SIPA1L2: variants seen among roughly 807,000 people sequenced by gnomAD.
SIPA1L2 encodes signal induced proliferation associated 1 like 2.
In SIPA1L2, 56 loss-of-function variants were observed where a neutral mutation model predicts 163.9. That is an observed-to-expected ratio of 0.34 (90% confidence interval 0.28 to 0.43). SIPA1L2 has a LOEUF of 0.43. SIPA1L2 is among the 20% of genes least tolerant of loss of function. SIPA1L2 has a pLI of 1.00. For missense variants in SIPA1L2, 1,974 were observed against 2,193.5 expected (o/e 0.90, Z 2.00); for synonymous variants, 877 against 865.7 (o/e 1.01, Z -0.23).
chr1:232,404,666 A>C (rs1660539046), intron 19 of SIPA1L2, among the ~76,000 whole-genome samples: 1 of 152,182 alleles, frequency 6.6e-6, no homozygotes, highest in African/African-American at 2.4e-5. Flanking sequence ...AAGAGGTCGG[A>C]AGGAAAGGGA....
In SIPA1L2 at chr1:232,466,866, T is replaced by C. The variant is rs546694050; in HGVS notation, c.2244-1450A>G. On this transcript the variant is annotated intron_variant, in intron 8 of 22. Transcript: ENST00000674635. ...CGAGTAAGTGAATGAATGGATTCTG[T>C]ATCACTGGCAGCATTGAGAGCACCC... Among the ~76,000 whole-genome samples the C allele has an allele frequency of 2.0e-5, 3 of 152,230 alleles. No homozygotes were observed. The East Asian group carries it at 5.8e-4, about 29-fold the overall frequency.
chr1:232,520,124 T>C (rs968344632), intron 2 of SIPA1L2, among the ~76,000 whole-genome samples: 2 of 152,228 alleles, frequency 1.3e-5, no homozygotes, highest in African/African-American at 2.4e-5. Context: ...GATCTCTAGA[T>C]TTTGTCTACA....
chr1:232,412,870 T>G (rs1404192687), intron 19 of SIPA1L2, among the ~76,000 whole-genome samples: 1 of 152,236 alleles, frequency 6.6e-6, no homozygotes, highest in Non-Finnish European at 1.5e-5. Context: ...TATCTATCAA[T>G]GTTAGGGGTC....
At position 232,462,861 on chromosome 1, in the gene SIPA1L2, A is replaced by T. The variant is rs148679655; in HGVS notation, c.2821-1700T>A. ...CTGGCTCTTCTGCTCATTTCCTCCA[A>T]TCACCTGCCACCTCCCCTACTTTGT... On this transcript the variant is annotated intron_variant, in intron 9 of 22. Coordinates refer to ENST00000674635, the MANE Select transcript of SIPA1L2 (RefSeq NM_020808.5). Among the ~76,000 whole-genome samples the T allele has an allele frequency of 1.3e-3, 198 of 152,054 alleles. 2 individuals carry two copies. Among genetic ancestry groups the T allele is most frequent in the African/African-American group, 4.6e-3 (189 of 41,470 alleles).
chr1:232,596,829 C>T (rs1459891243), intron 1 of SIPA1L2, among the ~76,000 whole-genome samples: 1 of 152,136 alleles, frequency 6.6e-6, no homozygotes, highest in Non-Finnish European at 1.5e-5. Context: ...TGGGACTCTT[C>T]CACTCCTGAG....
intron 3 of SIPA1L2, among the ~76,000 whole-genome samples, chr1:232,498,349 G>A (rs985577401): frequency 6.6e-6 from 1 of 152,194 alleles, no homozygotes; most frequent in African/African-American, 2.4e-5. Context: ...AGTGACCGGA[G>A]CAATACAATT....
chr1:232,597,465 CAGG>C, intron 1 of SIPA1L2, among the ~76,000 whole-genome samples: 1 of 150,086 alleles, frequency 6.7e-6, no homozygotes, highest in Admixed American at 6.7e-5. Context: ...ATCACAAGGT[CAGG>C]AGATCGAGAC....
At chr1:232,614,299 G>T (rs1662395291) in intron 1 of SIPA1L2, among the ~76,000 whole-genome samples, 1 of 152,110 alleles carries the variant, frequency 6.6e-6, no homozygotes, top group Admixed American at 6.5e-5. Context: ...ACACATCTTA[G>T]AGGCATGTTA....
At chr1:232,537,308 T>G (rs956398635) in intron 2 of SIPA1L2, among the ~76,000 whole-genome samples, 1 of 152,164 alleles carries the variant, frequency 6.6e-6, no homozygotes, top group Non-Finnish European at 1.5e-5. Context: ...AAATACAGAA[T>G]GTCCTACTTC....
At chr1:232,401,340 A>G (rs973435449) in intron 22 of SIPA1L2, among the ~76,000 whole-genome samples, 2 of 152,196 alleles carry the variant, frequency 1.3e-5, no homozygotes, top group African/African-American at 4.8e-5. Flanking sequence ...CACGACCAGG[A>G]AAACAGGTAT....
At chr1:232,586,052 T>G (rs1281990319) in intron 1 of SIPA1L2, among the ~76,000 whole-genome samples, 3 of 152,220 alleles carry the variant, frequency 2.0e-5, no homozygotes, top group Non-Finnish European at 2.9e-5. Flanking sequence ...AGATAATATT[T>G]ACTTAGCTTG....
At chr1:232,622,636 C>T (rs148862256) in intron 1 of SIPA1L2, among the ~76,000 whole-genome samples, 2 of 152,212 alleles carry the variant, frequency 1.3e-5, no homozygotes, top group Non-Finnish European at 2.9e-5. Context: ...GGTGCCCAGG[C>T]TCCCAGGAAC....
intron 3 of SIPA1L2, among the ~76,000 whole-genome samples, chr1:232,508,472 AC>A (rs1666832189): frequency 6.6e-6 from 1 of 152,182 alleles, no homozygotes; most frequent in South Asian, 2.1e-4. Context: ...CACTGGCCCC[AC>A]TGTTGGTGGC....
intron 22 of SIPA1L2, among the ~76,000 whole-genome samples, chr1:232,401,706 A>G (rs1660351700): frequency 6.6e-6 from 1 of 152,136 alleles, no homozygotes; most frequent in Non-Finnish European, 1.5e-5. Context: ...CACCCTCATC[A>G]TAATTTCCCT....
chr1:232,445,472 A>G, intron 11 of SIPA1L2, 57 bp downstream of exon 11: 1 of 1,607,396 alleles, frequency 6.2e-7, no homozygotes, highest in Non-Finnish European at 8.5e-7. Context: ...TACAATGTCA[A>G]GTTCTCACCC....
intron 1 of SIPA1L2, among the ~76,000 whole-genome samples, chr1:232,591,581 G>C (rs188673359): frequency 1.5e-3 from 229 of 152,350 alleles, no homozygotes; most frequent in Non-Finnish European, 2.5e-3. Context: ...TCTGCCTTTT[G>C]TTGTGTGTTG....
chr1:232,452,544 G>C (rs1380364350), intron 10 of SIPA1L2, among the ~76,000 whole-genome samples: 1 of 152,158 alleles, frequency 6.6e-6, no homozygotes, highest in Admixed American at 6.5e-5. Flanking sequence ...ACAACACCTT[G>C]AGTTTCTCGG....
At chr1:232,431,589 G>A (rs1662242693) in intron 16 of SIPA1L2, among the ~76,000 whole-genome samples, 1 of 152,178 alleles carries the variant, frequency 6.6e-6, no homozygotes, top group South Asian at 2.1e-4. Flanking sequence ...TTTAGCACGA[G>A]TATTCTGTTA....
intron 14 of SIPA1L2, 80 bp from the exon 15 acceptor site, chr1:232,439,576 A>G (rs1662768465): frequency 6.6e-7 from 1 of 1,514,030 alleles, no homozygotes; most frequent in South Asian, 1.3e-5. Flanking sequence ...GGGAGCTACA[A>G]GCCATGGGAT....
Sources: gnomAD v4.1 joint callset for allele counts (sites outside exome capture counted in the v4.1 genomes callset) on GRCh38, gnomAD v4.1.1 for gene constraint, MANE v1.5 for transcripts, NCBI Gene and HGNC (gene_info 2026-07-23, HGNC 2026-07-21) for gene names.